The following PREX1 variants were observed in gnomAD, a reference collection of about 807,000 sequenced individuals.
The protein encoded by PREX1 is phosphatidylinositol 3,4,5-trisphosphate-dependent Rac exchanger 1 protein.
A neutral mutation model predicts 198.3 loss-of-function variants in PREX1; 41 were observed. The ratio of observed to expected loss-of-function variants is 0.21; its 90% CI spans 0.16 to 0.27. The LOEUF (loss-of-function observed/expected upper bound fraction) is 0.27, where lower values mean the gene tolerates loss of function less well. Ranked by LOEUF, PREX1 falls within the 10% of genes least tolerant of loss-of-function variation. PREX1 has a pLI of 1.00. For synonymous variants in PREX1, 843 were observed against 887.2 expected, an observed-to-expected ratio of 0.95 and a Z score of 0.89; for missense variants, 1,620 against 2,200.7, an observed-to-expected ratio of 0.74 and a Z score of 5.28.
At chr20:48,870,483 G>A in the PREX1 span, among the ~76,000 whole-genome samples, 6 of 152,148 alleles carry the variant, frequency 3.9e-5, no homozygotes, top group Non-Finnish European at 7.3e-5. Flanking sequence ...CCTCAACTTT[G>A]GCAGTGAGAA....
Position 48,627,627 on chromosome 20 carries a change from A to G in PREX1, c.4870-12T>C, listed in dbSNP as rs746703033. ...TCCACCCTTGGGCCCTGGAAGAAGGAACCATCAGGCAGGGGCCTCTGCAGG... is the reference window on the plus strand; with the variant it reads ...TCCACCCTTGGGCCCTGGAAGAAGGGACCATCAGGCAGGGGCCTCTGCAGG... On this transcript the variant is annotated splice_polypyrimidine_tract_variant and intron_variant, in intron 38 of 39. Transcript: ENST00000371941. 3.1e-6 allele frequency: 5 copies of G among 1,613,158 alleles called. No homozygotes were observed. Among genetic ancestry groups the G allele is most frequent in the Non-Finnish European group, 3.4e-6 (4 of 1,179,594 alleles).
intron 1 of PREX1, among the ~76,000 whole-genome samples, chr20:48,770,127 A>G (rs904684971): frequency 2.0e-5 from 3 of 152,218 alleles, no homozygotes; most frequent in African/African-American, 7.2e-5. Context: ...TCTGGTTTTA[A>G]AAGCCAGGTG....
At position 48,625,626 on chromosome 20, in the gene PREX1, C is replaced by T; in HGVS notation, c.*259G>A. ...GCCAGGCACCAGCTGCTCCCATCAG[C>T]TCTATGGGTCTCCAGCACCCCTCCA... On this transcript the variant is annotated 3_prime_UTR_variant, in exon 40 of 40. Coordinates refer to ENST00000371941, the MANE Select transcript of PREX1 (RefSeq NM_020820.4). The T allele has an allele frequency of 2.1e-6, 1 of 480,464 alleles. No individual in the cohort carries two copies. The highest frequency in any genetic ancestry group is 3.6e-6 in the Non-Finnish European group (1 of 274,266). The allele number at this position is 480,464 out of a possible 1,614,324, so 29.8% of individuals were successfully genotyped here. A position where few individuals can be genotyped will look rare whatever the true frequency, so the allele number is the denominator to read the frequency against.
intron 4 of PREX1, among the ~76,000 whole-genome samples, chr20:48,727,269 T>C (rs911240047): frequency 6.6e-6 from 1 of 152,116 alleles, no homozygotes; most frequent in African/African-American, 2.4e-5. Flanking sequence ...TATTTTGGCT[T>C]GCAGAGTTAA....
At chr20:48,759,428 T>C (rs1232152320) in intron 1 of PREX1, among the ~76,000 whole-genome samples, 2 of 150,904 alleles carry the variant, frequency 1.3e-5, no homozygotes, top group Non-Finnish European at 2.9e-5. Context: ...CTCACATCTG[T>C]AATCCCAGCT....
At chr20:48,808,237 C>G (rs949858663) in intron 1 of PREX1, among the ~76,000 whole-genome samples, 11 of 152,178 alleles carry the variant, frequency 7.2e-5, no homozygotes, top group African/African-American at 2.7e-4. Context: ...GCCATCCCCT[C>G]ACTGGCACAC....
chr20:48,829,322 A>G (rs1057179827), upstream of PREX1, among the ~76,000 whole-genome samples: 1 of 152,356 alleles, frequency 6.6e-6, no homozygotes, highest in Non-Finnish European at 1.5e-5. Context: ...AGTGATCCAC[A>G]TAGTATCCGC....
At chr20:48,869,067 G>A in the PREX1 span, among the ~76,000 whole-genome samples, 1 of 151,844 alleles carries the variant, frequency 6.6e-6, no homozygotes, top group East Asian at 1.9e-4. Flanking sequence ...AGAGATGGGG[G>A]TCTCACTATG....
the PREX1 span, among the ~76,000 whole-genome samples, chr20:48,840,909 A>G: frequency 6.6e-6 from 1 of 151,958 alleles, no homozygotes; most frequent in African/African-American, 2.4e-5. Context: ...TGAGACCTCA[A>G]AACTCCTGGG....
chr20:48,794,296 TA>T (rs2122983334), intron 1 of PREX1, among the ~76,000 whole-genome samples: 1 of 151,818 alleles, frequency 6.6e-6, no homozygotes, highest in Non-Finnish European at 1.5e-5. Context: ...CAGAGGGAGA[TA>T]GGGGCACAGA....
intron 6 of PREX1, among the ~76,000 whole-genome samples, chr20:48,702,589 C>T (rs188176509): frequency 4.0e-3 from 612 of 152,350 alleles, no homozygotes; most frequent in Admixed American, 7.4e-3. Context: ...GGCTTTCCTC[C>T]CTTTCCTCTT....
chr20:48,636,594 G>A lies in PREX1; in HGVS notation c.4036C>T (p.Leu1346=), dbSNP rs2089366262. 2 of 1,611,702 alleles carry A rather than the reference G, an allele frequency of 1.2e-6. No individual in the cohort carries two copies. The highest frequency in any genetic ancestry group is 1.1e-5 in the South Asian group (1 of 91,030). The change falls in exon 32 of 40, where the codon CTG becomes TTG. Residue 1346 remains leucine, a synonymous_variant. Transcript: ENST00000371941. ...CTFSKQLLAA[L]GYRYNNNGEY... ...CCATTGTTGTTGTAGCGGTAGCCCA[G>A]GGCCGCCAGCAGCTGCTTGGAGAAG... is the stretch of plus-strand genomic sequence containing the variant.
At chr20:48,660,997 G>A (rs957651470) in intron 15 of PREX1, among the ~76,000 whole-genome samples, 19 of 152,128 alleles carry the variant, frequency 1.2e-4, no homozygotes, top group Admixed American at 6.5e-5. Context: ...ACACAGCTAC[G>A]GCCATTTGTA....
chr20:48,677,040 T>C (rs1272284020), intron 13 of PREX1, among the ~76,000 whole-genome samples: 1 of 152,186 alleles, frequency 6.6e-6, no homozygotes, highest in African/African-American at 2.4e-5. Context: ...TCTGAAGCTG[T>C]GACAAAAACG....
rs147952658 is a variant in PREX1, at chr20:48,807,070, C to T, written c.219+20572G>A. Among the ~76,000 whole-genome samples, 888 of 152,314 alleles carry T rather than the reference C, an allele frequency of 5.8e-3. 11 individuals are homozygous for T. The highest frequency in any genetic ancestry group is 0.02 in the African/African-American group (842 of 41,554). ...AGCCATGCTGACATGAGGGAAAAGACAACTGGCAGGGAACTGTCTTTTTTA... is the reference window on the plus strand; with the variant it reads ...AGCCATGCTGACATGAGGGAAAAGATAACTGGCAGGGAACTGTCTTTTTTA... On this transcript the variant is annotated intron_variant, in intron 1 of 39. Coordinates refer to ENST00000371941, the MANE Select transcript of PREX1 (RefSeq NM_020820.4).
chr20:48,791,762 G>T (rs1004048216), intron 1 of PREX1, among the ~76,000 whole-genome samples: 7 of 152,214 alleles, frequency 4.6e-5, no homozygotes, highest in African/African-American at 9.7e-5. Context: ...CAACCCACAG[G>T]TTTGGCCCAC....
chr20:48,852,382 C>A, the PREX1 span, among the ~76,000 whole-genome samples: 2 of 152,160 alleles, frequency 1.3e-5, no homozygotes, highest in Non-Finnish European at 2.9e-5. Context: ...TCCCAAAATG[C>A]TTATCCATTA....
intron 6 of PREX1, among the ~76,000 whole-genome samples, chr20:48,702,358 G>A (rs2089879760): frequency 6.6e-6 from 1 of 152,196 alleles, no homozygotes; most frequent in South Asian, 2.1e-4. Context: ...AAAGAGAGAA[G>A]AAAAGAGACC....
intron 5 of PREX1, among the ~76,000 whole-genome samples, chr20:48,723,927 T>C (rs961041663): frequency 6.6e-6 from 1 of 152,168 alleles, no homozygotes; most frequent in Non-Finnish European, 1.5e-5. Context: ...ACCCAGACTT[T>C]CGCAAGATCC....
Sources: allele counts gnomAD v4.1 joint callset (sites outside exome capture counted in the v4.1 genomes callset), GRCh38; gene constraint gnomAD v4.1.1; transcripts MANE v1.5; gene names NCBI Gene and HGNC (gene_info 2026-07-23, HGNC 2026-07-21).